AP4E1: variants seen among roughly 807,000 people sequenced by gnomAD.
The protein encoded by AP4E1 is adaptor related protein complex 4 subunit epsilon 1, also known as AP-4 complex subunit epsilon-1.
In AP4E1, 56 loss-of-function variants were observed where a neutral mutation model predicts 128.2. The observed-to-expected ratio is 0.44, with a 90% CI of 0.35 to 0.55. The LOEUF is 0.55. AP4E1 is among the 20% of genes least tolerant of loss of function. AP4E1 has a pLI of 0.00. For synonymous variants in AP4E1, 484 were observed against 473.1 expected, an observed-to-expected ratio of 1.02 and a Z score of -0.30; for missense variants, 1,324 against 1,307.7, an observed-to-expected ratio of 1.01 and a Z score of -0.19.
At chr15:50,975,956 C>CAGAG (rs35121200) in intron 15 of AP4E1, among the ~76,000 whole-genome samples, 248 of 148,284 alleles carry the variant, frequency 1.7e-3, no homozygotes, top group African/African-American at 5.3e-3. Flanking sequence ...ACAAAAGGGA[C>CAGAG]AGAGAGAGAG....
At chr15:50,998,699 A>G (rs932174861) in intron 18 of AP4E1, among the ~76,000 whole-genome samples, 1 of 152,054 alleles carries the variant, frequency 6.6e-6, no homozygotes, top group Admixed American at 6.6e-5. Context: ...TAACTCTACC[A>G]CCAAAGCTTG....
intron 3 of AP4E1, among the ~76,000 whole-genome samples, chr15:50,922,197 G>A (rs569489494): frequency 6.6e-6 from 1 of 151,368 alleles, no homozygotes; most frequent in Admixed American, 6.6e-5. Context: ...AGCTCGGTGT[G>A]ATGGTGCATG....
intron 1 of AP4E1, 68 bp downstream of exon 1, chr15:50,908,996 C>G: frequency 6.3e-7 from 1 of 1,593,906 alleles, no homozygotes; most frequent in South Asian, 1.1e-5. Context: ...AGGCCCTGGC[C>G]GGGCGGCGAG....
intron 15 of AP4E1, among the ~76,000 whole-genome samples, chr15:50,973,097 G>C (rs2064504442): frequency 6.6e-6 from 1 of 152,180 alleles, no homozygotes; most frequent in South Asian, 2.1e-4. Context: ...TGGTAGAAGG[G>C]AAGTATGCAT....
chr15:50,920,287 G>A (rs374657974), intron 3 of AP4E1, among the ~76,000 whole-genome samples: 108 of 151,146 alleles, frequency 7.1e-4, no homozygotes, highest in African/African-American at 2.5e-3. Context: ...CTAATTTTTT[G>A]TATTTTTAGT....
At chr15:50,976,383 A>G (rs1168866002) in intron 15 of AP4E1, among the ~76,000 whole-genome samples, 1 of 152,218 alleles carries the variant, frequency 6.6e-6, no homozygotes, top group Non-Finnish European at 1.5e-5. Context: ...CAATATCTCA[A>G]TATAATAAAG....
intron 15 of AP4E1, among the ~76,000 whole-genome samples, chr15:50,978,844 C>T (rs2064596566): frequency 6.6e-6 from 1 of 152,134 alleles, no homozygotes; most frequent in Admixed American, 6.6e-5. Flanking sequence ...CATCTTTAGT[C>T]CTTTTAGGCG....
At chr15:50,984,905 C>T (rs1483660589) in intron 16 of AP4E1, among the ~76,000 whole-genome samples, 1 of 152,060 alleles carries the variant, frequency 6.6e-6, no homozygotes, top group Non-Finnish European at 1.5e-5. Flanking sequence ...AATGGTTGAA[C>T]TAGTTTACAG....
chr15:50,918,182 G>A (rs566311147), intron 3 of AP4E1: 3 of 152,314 alleles, frequency 2.0e-5, no homozygotes, highest in South Asian at 4.1e-4. Context: ...ATATAATCAG[G>A]CATACAAATG....
At chr15:50,935,591 C>T (rs2063897964) in intron 8 of AP4E1, among the ~76,000 whole-genome samples, 1 of 152,066 alleles carries the variant, frequency 6.6e-6, no homozygotes, top group Admixed American at 6.6e-5. Flanking sequence ...CTCTGGAGGA[C>T]AACAGTAGAA....
intron 15 of AP4E1, among the ~76,000 whole-genome samples, chr15:50,982,115 T>C (rs2064651532): frequency 7.8e-6 from 1 of 128,912 alleles, no homozygotes; most frequent in South Asian, 2.5e-4. Context: ...AAAAAGCAAG[T>C]TCAGCCCTCT....
chr15:50,983,677 CT>C (rs1182239097), intron 15 of AP4E1, among the ~76,000 whole-genome samples: 1 of 152,136 alleles, frequency 6.6e-6, no homozygotes, highest in Admixed American at 6.5e-5. Flanking sequence ...TTCATTATAA[CT>C]CATTAAACAT....
chr15:50,931,553 G>A (rs1232996436), intron 7 of AP4E1, among the ~76,000 whole-genome samples: 1 of 152,008 alleles, frequency 6.6e-6, no homozygotes, highest in Admixed American at 6.6e-5. Context: ...GTGACAAAGC[G>A]AGACTCTGTC....
chr15:50,964,819 C>T (rs2064364516), intron 14 of AP4E1, among the ~76,000 whole-genome samples: 1 of 151,980 alleles, frequency 6.6e-6, no homozygotes, highest in African/African-American at 2.4e-5. Context: ...AATTGTAATC[C>T]CCAGCGTTGG....
chr15:50,975,980 G>GAGAGAGAGAGAGAGAGAA, intron 15 of AP4E1, among the ~76,000 whole-genome samples: 1 of 144,008 alleles, frequency 6.9e-6, no homozygotes, highest in Non-Finnish European at 1.6e-5. Context: ...GAGAGAGAGA[G>GAGAGAGAGAGAGAGAGAA]AAAGAGAGAG....
chr15:50,912,042 A>C, intron 1 of AP4E1, 36 bp from the exon 2 acceptor site: 1 of 1,488,842 alleles, frequency 6.7e-7, no homozygotes, highest in East Asian at 2.3e-5. Context: ...TTTAAAAGAC[A>C]GTTAATCAAG....
intron 4 of AP4E1, 83 bp from the exon 5 acceptor site, chr15:50,925,015 T>A: frequency 6.7e-7 from 1 of 1,496,538 alleles, no homozygotes. Context: ...TTACTAAGTA[T>A]ATAGGACCAT....
intron 14 of AP4E1, among the ~76,000 whole-genome samples, chr15:50,964,865 G>T (rs1164955548): frequency 6.6e-6 from 1 of 151,754 alleles, no homozygotes; most frequent in Non-Finnish European, 1.5e-5. Context: ...GGGTTATGAA[G>T]GCAGATACCT....
intron 13 of AP4E1, among the ~76,000 whole-genome samples, chr15:50,956,091 GT>G (rs940116045): frequency 2.6e-5 from 4 of 152,164 alleles, no homozygotes; most frequent in African/African-American, 9.7e-5. Flanking sequence ...TGTGCTGTAT[GT>G]TTTATATGTA....
Sources: allele counts gnomAD v4.1 joint callset (sites outside exome capture counted in the v4.1 genomes callset), GRCh38; gene constraint gnomAD v4.1.1; transcripts MANE v1.5; gene names NCBI Gene and HGNC (gene_info 2026-07-23, HGNC 2026-07-21).